The following OR51B5 variants were observed in gnomAD, a reference collection of about 807,000 sequenced individuals.
OR51B5 encodes the protein olfactory receptor 51B5.
For missense variants in OR51B5, 456 were observed against 374.6 expected, an observed-to-expected ratio of 1.22 and a Z score of -1.79; for synonymous variants, 186 against 144.8, an observed-to-expected ratio of 1.28 and a Z score of -2.04.
At chr11:5,453,598 T>C (rs747979911) in intron 1 of OR51B5, 1 of 1,613,646 alleles carries the variant, frequency 6.2e-7, no homozygotes, top group South Asian at 1.1e-5. Context: ...ATGTATGCTG[T>C]GGCCCTTGGG....
intron 1 of OR51B5, among the ~76,000 whole-genome samples, chr11:5,457,415 G>A (rs1338533889): frequency 6.6e-6 from 1 of 152,152 alleles, no homozygotes; most frequent in Non-Finnish European, 1.5e-5. Context: ...CTTTGCTATT[G>A]TGAATACTGC....
At chr11:5,470,389 T>C (rs898482539) in intron 1 of OR51B5, among the ~76,000 whole-genome samples, 10 of 152,184 alleles carry the variant, frequency 6.6e-5, no homozygotes, top group Non-Finnish European at 1.2e-4. Context: ...TGCCCCCTCA[T>C]TTCTTCTGAG....
intron 1 of OR51B5, among the ~76,000 whole-genome samples, chr11:5,398,890 A>G (rs1287076059): frequency 6.6e-6 from 1 of 152,148 alleles, no homozygotes; most frequent in Non-Finnish European, 1.5e-5. Context: ...TTTGTTAATA[A>G]ATTACCCAGT....
At chr11:5,359,450 C>T (rs1215159800) in intron 1 of OR51B5, among the ~76,000 whole-genome samples, 1 of 125,416 alleles carries the variant, frequency 8.0e-6, no homozygotes, top group Non-Finnish European at 1.8e-5. Flanking sequence ...GGTGAAGGAC[C>T]TCTTCAAGGA....
intron 1 of OR51B5, among the ~76,000 whole-genome samples, chr11:5,436,659 G>A (rs931540552): frequency 2.0e-5 from 3 of 152,126 alleles, no homozygotes; most frequent in Admixed American, 2.0e-4. Flanking sequence ...GTAAAAGTGA[G>A]GTTTGAGGAT....
chr11:5,343,384 A>C (rs1416294996), exon 1 of OR51B5: 1 of 1,613,906 alleles, frequency 6.2e-7, no homozygotes, highest in Admixed American at 1.7e-5. Context: ...GATCTTCCTT[A>C]ATGAGAAGAA....
chr11:5,430,210 C>G (rs918122481), intron 1 of OR51B5, among the ~76,000 whole-genome samples: 1 of 151,340 alleles, frequency 6.6e-6, no homozygotes, highest in East Asian at 1.9e-4. Context: ...AAGACATGTT[C>G]CTAGGATAAT....
chr11:5,484,838 G>A (rs985359229), intron 1 of OR51B5, among the ~76,000 whole-genome samples: 1 of 152,140 alleles, frequency 6.6e-6, no homozygotes, highest in Admixed American at 6.5e-5. Context: ...CATTACATAT[G>A]TATTATTTCA....
chr11:5,341,672 A>G (rs2133675887), downstream of OR51B5, among the ~76,000 whole-genome samples: 1 of 152,332 alleles, frequency 6.6e-6, no homozygotes. Context: ...ATGTATGTAC[A>G]GAAAGCAATC....
chr11:5,364,836 A>G (rs1026018125), intron 1 of OR51B5, among the ~76,000 whole-genome samples: 5 of 152,182 alleles, frequency 3.3e-5, no homozygotes, highest in South Asian at 2.1e-4. Context: ...GGACTTTGTT[A>G]CCTTTCCTAA....
intron 1 of OR51B5, among the ~76,000 whole-genome samples, chr11:5,418,814 A>G (rs1010718116): frequency 5.3e-5 from 8 of 150,582 alleles, no homozygotes; most frequent in African/African-American, 1.7e-4. Flanking sequence ...CCATCATGGC[A>G]CGTGTATACC....
intron 1 of OR51B5, among the ~76,000 whole-genome samples, chr11:5,358,602 G>C (rs935025077): frequency 1.1e-4 from 17 of 152,056 alleles, no homozygotes; most frequent in South Asian, 8.3e-4. Context: ...GAAACTATTC[G>C]AATCAATAGT....
chr11:5,343,247 G>A lies in OR51B5; in HGVS notation c.278C>T (p.Ala93Val), dbSNP rs760899084. 73 of 1,613,412 alleles carry A rather than the reference G, an allele frequency of 4.5e-5. No homozygotes were observed. In the East Asian group the frequency reaches 4.9e-4, roughly 11 times the overall value. Residue 93 changes from alanine (A) to valine (V), a missense_variant, in exon 1 of 1, where the codon GCG becomes GTG. Ala to Val is a moderately conservative substitution (Grantham distance 64, BLOSUM62 0). Transcript: ENST00000300773. Reference sequence around the variant, plus strand: ...AAAGTAGGCCTGGGAAAAGCAGGCCGCACTTCCAATCTCCCTGTGATCCAG... The same window carrying A: ...AAAGTAGGCCTGGGAAAAGCAGGCCACACTTCCAATCTCCCTGTGATCCAG...
intron 1 of OR51B5, chr11:5,422,407 C>T (rs780761727): frequency 1.9e-6 from 3 of 1,613,998 alleles, no homozygotes; most frequent in Non-Finnish European, 2.5e-6. Flanking sequence ...CCATGCTGGC[C>T]CTGACGGACC....
intron 1 of OR51B5, among the ~76,000 whole-genome samples, chr11:5,413,440 G>T (rs1850183314): frequency 6.6e-6 from 1 of 152,222 alleles, no homozygotes; most frequent in African/African-American, 2.4e-5. Flanking sequence ...GACAGAGAAT[G>T]ACTTTGATGA....
At chr11:5,388,865 T>C (rs10768903) in intron 1 of OR51B5, among the ~76,000 whole-genome samples, 118,368 of 151,566 alleles carry the variant, frequency 0.78, 46,620 homozygotes, top group Middle Eastern at 0.84. Context: ...ACAGAAACCC[T>C]AGGACTTGGT....
chr11:5,428,017 ATTC>A (rs1248984227), intron 1 of OR51B5, among the ~76,000 whole-genome samples: 2 of 152,150 alleles, frequency 1.3e-5, no homozygotes, highest in South Asian at 2.1e-4. Flanking sequence ...ATGTTCATGT[ATTC>A]TTAAATTCAT....
rs558273185 is a variant in OR51B5 at position 5,417,592 on chromosome 11, C to A, written n.85-70682G>T. Among the ~76,000 whole-genome samples the A allele has an allele frequency of 4.7e-4, 71 of 149,496 alleles. No homozygotes were observed. The South Asian group carries it at 0.012, about 25-fold the overall frequency. On this transcript the variant is annotated intron_variant and non_coding_transcript_variant, in intron 1 of 4. Transcript: ENST00000415970. ...AAACAAATTTACAAGAAAAAAAAAA[C>A]CCCATCCAAAAGTGGGCGAAGGACA...
At chr11:5,478,418 GA>G (rs1564827025) in intron 1 of OR51B5, among the ~76,000 whole-genome samples, 1 of 151,688 alleles carries the variant, frequency 6.6e-6, no homozygotes, top group Non-Finnish European at 1.5e-5. Context: ...GGAAAAAACA[GA>G]ACAGAAAAAC....
Sources: allele counts gnomAD v4.1 joint callset (sites outside exome capture counted in the v4.1 genomes callset), GRCh38; gene constraint gnomAD v4.1.1; transcripts MANE v1.5; gene names NCBI Gene and HGNC (gene_info 2026-07-23, HGNC 2026-07-21).